Variants in PTGER3 observed in about 807,000 individuals in gnomAD.
PTGER3 encodes the protein prostaglandin E receptor 3, also known as prostaglandin E2 receptor EP3 subtype.
A neutral mutation model predicts 34.7 loss-of-function variants in PTGER3; 22 were observed. The ratio of observed to expected loss-of-function variants is 0.63; its 90% CI spans 0.45 to 0.91. PTGER3 has a LOEUF of 0.91. Ranked by LOEUF, PTGER3 falls within the 40% of genes least tolerant of loss-of-function variation. The pLI, the probability that PTGER3 is intolerant of heterozygous loss-of-function variation, is 0.00. For synonymous variants in PTGER3, 241 were observed against 230.1 expected, an observed-to-expected ratio of 1.05 and a Z score of -0.43; for missense variants, 468 against 519.4, an observed-to-expected ratio of 0.90 and a Z score of 0.96.
intron 2 of PTGER3, among the ~76,000 whole-genome samples, chr1:70,981,387 CTTTCT>C (rs1255125113): frequency 0.056 from 3,612 of 64,946 alleles, 62 homozygotes; most frequent in South Asian, 0.072. Context: ...TTCTTTCTTT[CTTTCT>C]TTCCTTCCTT....
chr1:70,893,225 C>G (rs1250577790), intron 4 of PTGER3, among the ~76,000 whole-genome samples: 2 of 152,154 alleles, frequency 1.3e-5, no homozygotes, highest in African/African-American at 4.8e-5. Context: ...TTCTAATAAT[C>G]CATGTGGGGT....
downstream of PTGER3, among the ~76,000 whole-genome samples, chr1:70,947,965 C>A (rs1361485712): frequency 6.6e-6 from 1 of 152,040 alleles, no homozygotes; most frequent in Non-Finnish European, 1.5e-5. Context: ...TTGTAGTAAT[C>A]AAAACATAAT....
At chr1:70,933,717 C>T (rs955269069) in intron 4 of PTGER3, among the ~76,000 whole-genome samples, 8 of 152,252 alleles carry the variant, frequency 5.3e-5, no homozygotes, top group South Asian at 2.1e-4. Context: ...GGAGTGAAAG[C>T]GGTTATAATC....
intron 4 of PTGER3, among the ~76,000 whole-genome samples, chr1:70,937,060 T>C (rs1001258861): frequency 2.6e-5 from 4 of 152,164 alleles, no homozygotes; most frequent in African/African-American, 7.2e-5. Context: ...TACACTTGAA[T>C]AGGGCTCCTT....
intron 2 of PTGER3, among the ~76,000 whole-genome samples, chr1:70,999,861 C>A (rs1231638330): frequency 2.0e-5 from 3 of 152,218 alleles, no homozygotes; most frequent in African/African-American, 7.2e-5. Flanking sequence ...TCTGTACAAC[C>A]ATCTGCTGCC....
At chr1:71,019,375 C>G (rs181549237) in intron 1 of PTGER3, among the ~76,000 whole-genome samples, 1 of 152,154 alleles carries the variant, frequency 6.6e-6, no homozygotes, top group South Asian at 2.1e-4. Context: ...TCTAGCTGAA[C>G]GGAGCTGCAG....
chr1:70,951,515 A>G (rs1243568376), downstream of PTGER3: 1 of 152,228 alleles, frequency 6.6e-6, no homozygotes, highest in Non-Finnish European at 1.5e-5. Flanking sequence ...ATATTTGCAT[A>G]TGATGGGGAA....
chr1:70,859,208 T>C (rs1483678429), intron 4 of PTGER3, among the ~76,000 whole-genome samples: 3 of 152,244 alleles, frequency 2.0e-5, no homozygotes, highest in Non-Finnish European at 4.4e-5. Context: ...CTTCCATAAA[T>C]TATTCCTTAG....
intron 4 of PTGER3, among the ~76,000 whole-genome samples, chr1:70,946,444 T>C (rs1409357091): frequency 6.6e-6 from 1 of 152,134 alleles, no homozygotes; most frequent in Non-Finnish European, 1.5e-5. Flanking sequence ...CTACAGTGCG[T>C]GCTCTTTACC....
At chr1:70,983,968 G>T (rs946454052) in intron 2 of PTGER3, among the ~76,000 whole-genome samples, 2 of 152,158 alleles carry the variant, frequency 1.3e-5, no homozygotes, top group African/African-American at 4.8e-5. Context: ...GCCATGGAAA[G>T]CCTGAACTGG....
intron 2 of PTGER3, among the ~76,000 whole-genome samples, chr1:70,997,935 A>G (rs141598428): frequency 6.6e-6 from 1 of 152,194 alleles, no homozygotes; most frequent in Non-Finnish European, 1.5e-5. Context: ...CAAACTCCCT[A>G]GTGGTTTTCT....
intron 2 of PTGER3, among the ~76,000 whole-genome samples, chr1:70,984,947 G>A (rs138179466): frequency 2.5e-4 from 38 of 152,192 alleles, no homozygotes; most frequent in African/African-American, 8.7e-4. Flanking sequence ...TCTTGAATTG[G>A]TGATAATATT....
chr1:70,859,616 C>T (rs6656853), intron 4 of PTGER3, among the ~76,000 whole-genome samples: 45,616 of 152,012 alleles, frequency 0.3, 7,064 homozygotes, highest in African/African-American at 0.33. Flanking sequence ...ACATAACGGG[C>T]GAAAACACAG....
chr1:71,013,318 A>G (rs1657612307), intron 1 of PTGER3, among the ~76,000 whole-genome samples: 1 of 152,226 alleles, frequency 6.6e-6, no homozygotes, highest in Non-Finnish European at 1.5e-5. Flanking sequence ...AAATTTTTAT[A>G]TTTGAAGGAA....
At chr1:70,866,757 G>A (rs761971875) in intron 4 of PTGER3, among the ~76,000 whole-genome samples, 1 of 152,174 alleles carries the variant, frequency 6.6e-6, no homozygotes, top group Non-Finnish European at 1.5e-5. Context: ...ATTGCTTGAG[G>A]TGTTCCCACA....
chr1:71,045,513 G>C (rs1481282085), intron 1 of PTGER3, among the ~76,000 whole-genome samples: 1 of 152,144 alleles, frequency 6.6e-6, no homozygotes, highest in African/African-American at 2.4e-5. Flanking sequence ...GCCTAAGTAA[G>C]CATCCATTCT....
intron 3 of PTGER3, 101 bp from the exon 4 acceptor site, chr1:70,971,834 G>T: frequency 1.3e-6 from 1 of 796,234 alleles, no homozygotes; most frequent in Non-Finnish European, 1.9e-6. Flanking sequence ...TAATAAATTT[G>T]TTTGCTTTAA....
At chr1:71,044,167 T>A (rs1459719857) in intron 1 of PTGER3, among the ~76,000 whole-genome samples, 2 of 148,214 alleles carry the variant, frequency 1.3e-5, no homozygotes, top group Admixed American at 1.3e-4. Flanking sequence ...CCGGGCACGG[T>A]GGCTCATGCC....
intron 4 of PTGER3, among the ~76,000 whole-genome samples, chr1:70,861,678 G>A (rs1448384439): frequency 6.6e-6 from 1 of 151,512 alleles, no homozygotes; most frequent in African/African-American, 2.4e-5. Flanking sequence ...TGGATGCAAT[G>A]GGAATCTTCA....
Sources: gnomAD v4.1 joint callset for allele counts (sites outside exome capture counted in the v4.1 genomes callset) on GRCh38, gnomAD v4.1.1 for gene constraint, MANE v1.5 for transcripts, NCBI Gene and HGNC (gene_info 2026-07-23, HGNC 2026-07-21) for gene names.